The following GPC5 variants were observed in gnomAD, a reference collection of about 807,000 sequenced individuals.
GPC5 encodes the protein glypican-5.
A neutral mutation model predicts 53.9 loss-of-function variants in GPC5; 47 were observed. That is an observed-to-expected ratio of 0.87 (90% CI 0.69 to 1.11). The LOEUF (loss-of-function observed/expected upper bound fraction) is 1.11, where lower values mean the gene tolerates loss of function less well. Among genes scored for constraint, GPC5 ranks in the 50% most tolerant of loss-of-function variants. GPC5 has a pLI of 0.00. For missense variants in GPC5, 748 were observed against 713.1 expected (o/e 1.05, Z -0.56); for synonymous variants, 286 against 263.3 (o/e 1.09, Z -0.84).
rs1317900325 is a variant in GPC5 at position 92,356,448 on chromosome 13, TAAG to T, written c.1561+211463_1561+211465del. On this transcript the variant is annotated intron_variant, in intron 7 of 7. Transcript: ENST00000377067. The stretch of plus-strand genomic sequence containing the variant: ...CAAAAGTCGAAACAGAAAAACCAGT[TAAG>T]AAGTTATTTACATATTCCAGATCAG... 1.6e-4 allele frequency among the ~76,000 whole-genome samples: 24 copies of T among 152,216 alleles called. 1 individual carries two copies. The highest frequency in any genetic ancestry group is 5.8e-4 in the African/African-American group (24 of 41,474).
At chr13:91,869,392 T>C (rs1347120860) in intron 5 of GPC5, among the ~76,000 whole-genome samples, 2 of 152,196 alleles carry the variant, frequency 1.3e-5, no homozygotes, top group Admixed American at 6.6e-5. Flanking sequence ...AGATTATTAA[T>C]TGTATTCTTG....
intron 5 of GPC5, among the ~76,000 whole-genome samples, chr13:91,902,522 G>A (rs1249048105): frequency 1.3e-5 from 2 of 151,908 alleles, no homozygotes; most frequent in Non-Finnish European, 2.9e-5. Flanking sequence ...CACAGATGGT[G>A]GGTCTATTAC....
At chr13:92,092,286 A>G (rs1024097952) in intron 6 of GPC5, among the ~76,000 whole-genome samples, 6 of 152,126 alleles carry the variant, frequency 3.9e-5, no homozygotes, top group Non-Finnish European at 8.8e-5. Flanking sequence ...ATAGTGACAC[A>G]CTCCTAAAAT....
intron 1 of GPC5, among the ~76,000 whole-genome samples, chr13:91,436,742 T>C (rs1192098380): frequency 2.0e-5 from 3 of 152,160 alleles, no homozygotes; most frequent in Admixed American, 6.5e-5. Context: ...TGGATATCCT[T>C]ATTAACTTTC....
At chr13:92,402,924 G>A (rs954500888) in intron 7 of GPC5, among the ~76,000 whole-genome samples, 4 of 152,084 alleles carry the variant, frequency 2.6e-5, no homozygotes, top group Admixed American at 1.3e-4. Flanking sequence ...TCCTCATTGC[G>A]GCAGCATAGC....
intron 2 of GPC5, among the ~76,000 whole-genome samples, chr13:91,469,714 TTTGTTATATAAAAATTCAGA>T (rs1444739422): frequency 6.6e-6 from 1 of 152,140 alleles, no homozygotes; most frequent in Non-Finnish European, 1.5e-5. Context: ...TTTGTAAACC[TTTGTTATATAAAAATTCAGA>T]TTCATCTTTT....
chr13:92,350,555 A>G (rs1317714651), intron 7 of GPC5, among the ~76,000 whole-genome samples: 1 of 152,172 alleles, frequency 6.6e-6, no homozygotes, highest in Admixed American at 6.5e-5. Context: ...TAGCGAGATT[A>G]TGGTCAAATG....
At chr13:92,573,488 G>C (rs1475751215) in intron 7 of GPC5, among the ~76,000 whole-genome samples, 1 of 152,082 alleles carries the variant, frequency 6.6e-6, no homozygotes, top group Non-Finnish European at 1.5e-5. Context: ...CTTAGATTCT[G>C]TTATAGTTTT....
At chr13:91,556,823 G>T (rs146667043) in intron 2 of GPC5, among the ~76,000 whole-genome samples, 82 of 152,066 alleles carry the variant, frequency 5.4e-4, no homozygotes, top group Non-Finnish European at 9.1e-4. Flanking sequence ...TCAGGGGAAA[G>T]GGTGTGAGGG....
At chr13:91,732,914 G>T (rs954645587) in intron 4 of GPC5, among the ~76,000 whole-genome samples, 4 of 152,038 alleles carry the variant, frequency 2.6e-5, no homozygotes, top group African/African-American at 7.3e-5. Flanking sequence ...ATGTTGTTTT[G>T]GTTGCTGTAG....
chr13:92,088,554 C>T (rs1237826006), intron 6 of GPC5, among the ~76,000 whole-genome samples: 1 of 152,130 alleles, frequency 6.6e-6, no homozygotes. Context: ...CTCCTTGCCT[C>T]ACCTCAATCA....
chr13:92,666,056 T>C (rs1886554367), intron 7 of GPC5, among the ~76,000 whole-genome samples: 1 of 152,210 alleles, frequency 6.6e-6, no homozygotes, highest in African/African-American at 2.4e-5. Context: ...CCCTTTTCTA[T>C]ATGTTAGAAT....
chr13:92,262,906 C>G (rs994359537), intron 7 of GPC5, among the ~76,000 whole-genome samples: 2 of 152,104 alleles, frequency 1.3e-5, no homozygotes, highest in Admixed American at 6.6e-5. Flanking sequence ...TAGGCTAAGC[C>G]TTGAATCAAG....
At chr13:91,660,856 T>C (rs911604731) in intron 2 of GPC5, among the ~76,000 whole-genome samples, 2 of 152,164 alleles carry the variant, frequency 1.3e-5, no homozygotes, top group Non-Finnish European at 2.9e-5. Context: ...AATGAAATCA[T>C]TTACCCCACC....
At chr13:92,139,170 A>T (rs2138974899) in intron 6 of GPC5, among the ~76,000 whole-genome samples, 1 of 152,292 alleles carries the variant, frequency 6.6e-6, no homozygotes, top group East Asian at 1.9e-4. Context: ...ATTATTCCTT[A>T]TTGGCGATAA....
chr13:91,450,749 A>C (rs9589239), intron 2 of GPC5, among the ~76,000 whole-genome samples: 1 of 151,986 alleles, frequency 6.6e-6, no homozygotes, highest in East Asian at 1.9e-4. Flanking sequence ...ATTATAAAAA[A>C]TATAGAGACA....
rs748458506 is a variant in GPC5, at chr13:91,919,433, A to G, written c.1401+11376A>G. 2.4e-3 allele frequency among the ~76,000 whole-genome samples: 370 copies of G among 152,372 alleles called. 2 individuals carry two copies. Among genetic ancestry groups the G allele is most frequent in the Non-Finnish European group, 4.1e-3 (278 of 68,032 alleles). On this transcript the variant is annotated intron_variant, in intron 6 of 7. Transcript: ENST00000377067. ...TTGCAGCAGAATCCAATAGAAAATT[A>G]GCAGACTGTTGATGGACTGATCATG...
At chr13:92,310,970 G>A (rs768779534) in intron 7 of GPC5, among the ~76,000 whole-genome samples, 1 of 151,966 alleles carries the variant, frequency 6.6e-6, no homozygotes, top group African/African-American at 2.4e-5. Flanking sequence ...ATTATTCCAC[G>A]AATATTTTCT....
intron 1 of GPC5, among the ~76,000 whole-genome samples, chr13:91,430,327 G>C (rs1223477463): frequency 6.6e-6 from 1 of 152,202 alleles, no homozygotes. Flanking sequence ...ATAGCCAACT[G>C]TGCCCTTGGG....
Sources: allele counts gnomAD v4.1 joint callset (sites outside exome capture counted in the v4.1 genomes callset), GRCh38; gene constraint gnomAD v4.1.1; transcripts MANE v1.5; gene names NCBI Gene and HGNC (gene_info 2026-07-23, HGNC 2026-07-21).